The following KMT2C variants were observed in gnomAD, a reference collection of about 807,000 sequenced individuals.
The protein encoded by KMT2C is lysine methyltransferase 2C.
KMT2C carries 88 observed loss-of-function variants against 507.9 expected under a neutral mutation model. The observed-to-expected ratio is 0.17, with a 90% CI of 0.15 to 0.21. KMT2C has a LOEUF of 0.21. Ranked by LOEUF, KMT2C falls within the 10% of genes least tolerant of loss-of-function variation. KMT2C has a pLI of 1.00. For missense variants in KMT2C, 4,954 were observed against 5,957.8 expected (o/e 0.83, Z 5.55); for synonymous variants, 2,049 against 2,080.8 (o/e 0.98, Z 0.42).
In KMT2C at chr7:152,146,739, C is replaced by T. The variant is rs766905248; in HGVS notation, c.13895-4G>A. ...TCCAAAATCTTATCCCAGACACCTA[C>T]ACAGGGACAAAAACATAATTTTTAT... On this transcript the variant is annotated splice_polypyrimidine_tract_variant and splice_region_variant and intron_variant, in intron 52 of 58. Transcript: ENST00000262189. 4 of 1,613,080 alleles carry T rather than the reference C, an allele frequency of 2.5e-6. No homozygotes were observed. In the African/African-American group the frequency reaches 4.0e-5, roughly 16 times the overall value.
intron 55 of KMT2C, among the ~76,000 whole-genome samples, chr7:152,140,341 G>A (rs894096770): frequency 6.6e-6 from 1 of 152,108 alleles, no homozygotes; most frequent in Non-Finnish European, 1.5e-5. Context: ...TGAAGCTCTT[G>A]GGGAAGGTAA....
At chr7:152,294,870 C>A (rs1410925875) in intron 6 of KMT2C, among the ~76,000 whole-genome samples, 1 of 152,146 alleles carries the variant, frequency 6.6e-6, no homozygotes, top group Non-Finnish European at 1.5e-5. Context: ...TTCCTCAGAG[C>A]ATTGACCAAA....
In KMT2C at chr7:152,199,498, T is replaced by C. The variant is rs530989830; in HGVS notation, c.4093-39A>G. ...AGCACATACAAAAATGGTTAGAAAA[T>C]TCTAAAAAGACAATAGATTATTCTG... On this transcript the variant is annotated intron_variant, in intron 26 of 58. Transcript: ENST00000262189. 4.6e-4 allele frequency: 596 copies of C among 1,281,980 alleles called. 4 individuals are homozygous for C. The highest frequency in any genetic ancestry group is 3.9e-3 in the South Asian group (247 of 63,044). The allele number at this position is 1,281,980 out of a possible 1,614,324, so 79.4% of individuals were successfully genotyped here.
At chr7:152,225,853 C>T (rs996856432) in intron 18 of KMT2C, among the ~76,000 whole-genome samples, 11 of 152,064 alleles carry the variant, frequency 7.2e-5, no homozygotes, top group Admixed American at 1.3e-4. Context: ...AAACAAAGAA[C>T]GAATGGAGAG....
At chr7:152,414,118 G>C (rs538214707) in intron 1 of KMT2C, among the ~76,000 whole-genome samples, 3 of 151,496 alleles carry the variant, frequency 2.0e-5, no homozygotes, top group Non-Finnish European at 2.9e-5. Context: ...ACTGAGGCAG[G>C]AGAATTGCTT....
intron 1 of KMT2C, among the ~76,000 whole-genome samples, chr7:152,393,375 A>G (rs1464099784): frequency 6.6e-6 from 1 of 152,150 alleles, no homozygotes; most frequent in Admixed American, 6.5e-5. Flanking sequence ...TATAACAAAT[A>G]CTTACTTTCT....
Position 152,311,791 on chromosome 7 carries a change from C to T in KMT2C, c.739+7G>A, listed in dbSNP as rs376263512. 8 of 1,596,856 alleles carry T rather than the reference C, an allele frequency of 5.0e-6. No individual in the cohort carries two copies. The South Asian group carries it at 7.9e-5, about 16-fold the overall frequency. On this transcript the variant is annotated splice_region_variant and intron_variant, in intron 5 of 58. Transcript: ENST00000262189. The stretch of plus-strand genomic sequence containing the variant: ...AGAGGCAGTCATTATTGAAAACATG[C>T]CCATACCTGTAGAATCAAATAAGGC...
intron 4 of KMT2C, among the ~76,000 whole-genome samples, chr7:152,313,797 T>C (rs550119392): frequency 6.6e-6 from 1 of 152,134 alleles, no homozygotes; most frequent in African/African-American, 2.4e-5. Flanking sequence ...TAAGTATATA[T>C]AAAGACTTTC....
intron 1 of KMT2C, among the ~76,000 whole-genome samples, chr7:152,378,673 T>C (rs2097347517): frequency 6.6e-6 from 1 of 152,212 alleles, no homozygotes; most frequent in African/African-American, 2.4e-5. Context: ...CAATTCTAGA[T>C]ATATATCTGC....
chr7:152,255,118 T>TATATATATAC lies in KMT2C; in HGVS notation c.1300-2404_1300-2403insGTATATATAT, dbSNP rs1563605444. Among the ~76,000 whole-genome samples the TATATATATAC allele has an allele frequency of 4.1e-5, 4 of 97,748 alleles. 1 individual carries two copies. Among genetic ancestry groups the TATATATATAC allele is most frequent in the Non-Finnish European group, 7.2e-5 (4 of 55,878 alleles). 64.1% of individuals were successfully genotyped at this position (97,748 alleles called of 152,430 possible). A position where few individuals can be genotyped will look rare whatever the true frequency, so the allele number is the denominator to read the frequency against. ...GTCAATCAACTCTCACTTATATATA[T>TATATATATAC]ATATATATATATATATATATATATA... On this transcript the variant is annotated intron_variant, in intron 9 of 58. Transcript: ENST00000262189.
intron 25 of KMT2C, among the ~76,000 whole-genome samples, chr7:152,204,040 A>C (rs1300667650): frequency 6.6e-6 from 1 of 151,742 alleles, no homozygotes; most frequent in Non-Finnish European, 1.5e-5. Flanking sequence ...GACAGGCCAG[A>C]GGTGACTTGC....
At chr7:152,210,220 CAAG>C (rs775057396) in intron 23 of KMT2C, among the ~76,000 whole-genome samples, 7 of 152,232 alleles carry the variant, frequency 4.6e-5, no homozygotes, top group African/African-American at 9.6e-5. Flanking sequence ...CTGAGCAGTT[CAAG>C]AAGAACATCT....
intron 1 of KMT2C, among the ~76,000 whole-genome samples, chr7:152,388,452 G>C (rs1241668783): frequency 3.9e-5 from 6 of 151,994 alleles, no homozygotes; most frequent in Admixed American, 2.6e-4. Context: ...CCAGCTACTC[G>C]GGAGGCTGAG....
chr7:152,210,242 G>A (rs4024336), intron 23 of KMT2C, among the ~76,000 whole-genome samples: 29,375 of 152,080 alleles, frequency 0.19, 3,591 homozygotes, highest in Admixed American at 0.29. Context: ...CTAAAGATAC[G>A]GAAACCAGAG....
chr7:152,184,073 A>G (rs2093534567), intron 34 of KMT2C, among the ~76,000 whole-genome samples: 1 of 119,150 alleles, frequency 8.4e-6, no homozygotes, highest in African/African-American at 2.8e-5. Context: ...GCTCCATCTC[A>G]AAAAAAAAAA....
chr7:152,186,045 T>A (rs1476856680), intron 33 of KMT2C, among the ~76,000 whole-genome samples: 26 of 152,220 alleles, frequency 1.7e-4, no homozygotes, highest in Non-Finnish European at 1.5e-5. Flanking sequence ...CTCACTAGCA[T>A]TTGTGGACAA....
At chr7:152,185,747 G>A (rs188782421) in intron 33 of KMT2C, 116 bp from the exon 34 acceptor site, 13 of 753,572 alleles carry the variant, frequency 1.7e-5, no homozygotes, top group Admixed American at 1.5e-4. Flanking sequence ...ATTCTCATGA[G>A]GTCATAGACC....
Position 152,176,659 on chromosome 7 carries a change from T to A in KMT2C, c.8794A>T (p.Ile2932Phe), listed in dbSNP as rs1216674399. 3.7e-6 allele frequency: 6 copies of A among 1,614,224 alleles called. No homozygotes were observed. The highest frequency in any genetic ancestry group is 1.7e-5 in the Admixed American group (1 of 60,024). The change falls in exon 38 of 59, where the codon ATT becomes TTT. Residue 2932 changes from isoleucine (I) to phenylalanine (F), a missense_variant. Physicochemically the swap from Ile to Phe is conservative, Grantham distance 21. Around this residue, in one of 29 missense-constraint regions of KMT2C, gnomAD observed 1,689 missense variants for 1,654.3 expected, o/e 1.02. Coordinates refer to ENST00000262189, the MANE Select transcript of KMT2C (RefSeq NM_170606.3). ...GGTGGTGGAGACCCCGATGGCCTAA[T>A]GTCTGAATTATCAGATTTCTCATTA... ...LANEKSDNSD[I>F]RPSGSPPPPT...
intron 1 of KMT2C, among the ~76,000 whole-genome samples, chr7:152,399,916 C>CAA (rs575061652): frequency 6.8e-6 from 1 of 146,128 alleles, no homozygotes; most frequent in Non-Finnish European, 1.5e-5. Context: ...ATGGCCAGAC[C>CAA]AAAAAAAAAC....
Sources: allele counts gnomAD v4.1 joint callset (sites outside exome capture counted in the v4.1 genomes callset), GRCh38; gene constraint gnomAD v4.1.1; regional missense constraint gnomAD v4.1.1; transcripts MANE v1.5; gene names NCBI Gene and HGNC (gene_info 2026-07-23, HGNC 2026-07-21).